Variants in ENOX1 observed in about 807,000 individuals in gnomAD.
ENOX1 encodes candidate growth-related and time keeping constitutive hydroquinone (NADH) oxidase.
Under a neutral mutation model 82.5 loss-of-function variants are expected in ENOX1, and 42 were observed. The observed-to-expected ratio is 0.51, with a 90% CI of 0.40 to 0.66. The LOEUF is 0.66. Among genes scored for constraint, ENOX1 ranks in the 30% least tolerant of loss-of-function variants. The probability of loss-of-function intolerance (pLI) is 0.00; values close to 1 mark genes in which losing one functional copy is unlikely to be tolerated. For synonymous variants in ENOX1, 271 were observed against 282.2 expected (o/e 0.96, Z 0.40); for missense variants, 608 against 811.6 (o/e 0.75, Z 3.05).
chr13:43,759,247 C>A (rs1485147375), intron 1 of ENOX1, among the ~76,000 whole-genome samples: 1 of 151,944 alleles, frequency 6.6e-6, no homozygotes, highest in African/African-American at 2.4e-5. Context: ...CAGGCGCCTG[C>A]CACCACGCCC....
chr13:43,390,831 C>A (rs558754350), intron 5 of ENOX1, among the ~76,000 whole-genome samples: 1 of 152,216 alleles, frequency 6.6e-6, no homozygotes, highest in Non-Finnish European at 1.5e-5. Flanking sequence ...TATTCTCTTT[C>A]ATTTCTTTCT....
chr13:43,414,761 T>C (rs2054343217), intron 3 of ENOX1, among the ~76,000 whole-genome samples: 1 of 152,200 alleles, frequency 6.6e-6, no homozygotes, highest in Non-Finnish European at 1.5e-5. Context: ...GTTTAGTGGC[T>C]AGCCTCCTTC....
At chr13:43,379,122 A>G (rs1335302345) in intron 5 of ENOX1, among the ~76,000 whole-genome samples, 1 of 152,180 alleles carries the variant, frequency 6.6e-6, no homozygotes, top group Non-Finnish European at 1.5e-5. Flanking sequence ...AGCCTCCAGA[A>G]AGAAATGCAG....
intron 1 of ENOX1, among the ~76,000 whole-genome samples, chr13:43,747,012 T>C (rs1331958422): frequency 6.6e-6 from 1 of 152,108 alleles, no homozygotes; most frequent in Non-Finnish European, 1.5e-5. Context: ...CAGCCAAAAG[T>C]GTTTCAGCTA....
chr13:43,229,536 T>C (rs531021889), intron 15 of ENOX1, among the ~76,000 whole-genome samples: 17 of 152,010 alleles, frequency 1.1e-4, no homozygotes, highest in African/African-American at 3.1e-4. Flanking sequence ...GGGAAAGAGT[T>C]TGGATTAGAT....
chr13:43,315,894 A>C (rs1280288386), intron 11 of ENOX1, among the ~76,000 whole-genome samples: 1 of 152,192 alleles, frequency 6.6e-6, no homozygotes, highest in Non-Finnish European at 1.5e-5. Flanking sequence ...AACACATAAT[A>C]AACTGTAATG....
chr13:43,694,770 AC>A (rs2086551020), intron 1 of ENOX1, among the ~76,000 whole-genome samples: 2 of 152,176 alleles, frequency 1.3e-5, no homozygotes, highest in Non-Finnish European at 2.9e-5. Context: ...GACAAGACTC[AC>A]TTCTACCCTT....
chr13:43,220,577 G>A (rs2153450466), intron 16 of ENOX1, among the ~76,000 whole-genome samples: 1 of 152,230 alleles, frequency 6.6e-6, no homozygotes, highest in South Asian at 2.1e-4. Context: ...AGACAGTGCT[G>A]GGTACATGAA....
At chr13:43,348,187 G>A (rs2049523369) in intron 8 of ENOX1, among the ~76,000 whole-genome samples, 1 of 152,180 alleles carries the variant, frequency 6.6e-6, no homozygotes, top group African/African-American at 2.4e-5. Flanking sequence ...CTTTAATAAA[G>A]AAATCTCTTC....
intron 3 of ENOX1, among the ~76,000 whole-genome samples, chr13:43,453,406 T>C (rs542980220): frequency 1.3e-5 from 2 of 152,348 alleles, no homozygotes; most frequent in South Asian, 2.1e-4. Flanking sequence ...CAAAAAGCCA[T>C]ACATTCTAGT....
At chr13:43,393,728 G>A (rs2052950886) in intron 5 of ENOX1, among the ~76,000 whole-genome samples, 1 of 152,214 alleles carries the variant, frequency 6.6e-6, no homozygotes, top group African/African-American at 2.4e-5. Flanking sequence ...CTCTATGAAT[G>A]TAAAGAAATG....
At chr13:43,763,816 T>C (rs1429654213) in intron 1 of ENOX1, among the ~76,000 whole-genome samples, 3 of 152,224 alleles carry the variant, frequency 2.0e-5, no homozygotes, top group East Asian at 1.9e-4. Flanking sequence ...ACTGAAAATG[T>C]TGCTAGCGTA....
intron 1 of ENOX1, among the ~76,000 whole-genome samples, chr13:43,722,266 G>T (rs1214448862): frequency 6.6e-6 from 1 of 152,182 alleles, no homozygotes; most frequent in Non-Finnish European, 1.5e-5. Flanking sequence ...GAAATTAACT[G>T]GAATGATGAG....
At chr13:43,424,422 C>T (rs780031685) in intron 3 of ENOX1, among the ~76,000 whole-genome samples, 4 of 152,170 alleles carry the variant, frequency 2.6e-5, no homozygotes, top group Non-Finnish European at 5.9e-5. Flanking sequence ...TTCCAAAAAG[C>T]CCTGGTTAGA....
chr13:43,317,706 T>TA (rs144082837), intron 11 of ENOX1, among the ~76,000 whole-genome samples: 51,509 of 147,108 alleles, frequency 0.35, 9,546 homozygotes, highest in Middle Eastern at 0.53. Context: ...TTAGTGAAAT[T>TA]AAAAAAAAAA....
chr13:43,260,618 G>C (rs529907887), intron 14 of ENOX1, among the ~76,000 whole-genome samples: 1 of 152,208 alleles, frequency 6.6e-6, no homozygotes, highest in South Asian at 2.1e-4. Context: ...GATCATAGGT[G>C]GCGATCCTGC....
chr13:43,553,912 C>A lies in ENOX1; in HGVS notation c.-218-69760G>T, dbSNP rs539222509. Among the ~76,000 whole-genome samples the A allele has an allele frequency of 4.6e-5, 7 of 152,232 alleles. No homozygotes were observed. The East Asian group carries it at 1.4e-3, about 29-fold the overall frequency. ...ACAGGTGTGTTGTCACCACGCCCAG[C>A]TAATTTTTGTATTTTTAGTAGAGAC... On this transcript the variant is annotated intron_variant, in intron 2 of 16. Transcript: ENST00000690772.
chr13:43,602,700 T>C (rs2081779841), intron 2 of ENOX1, among the ~76,000 whole-genome samples: 2 of 152,016 alleles, frequency 1.3e-5, no homozygotes, highest in Admixed American at 6.6e-5. Flanking sequence ...CAGATTCTCC[T>C]AGGGATAATA....
At chr13:43,477,629 A>G (rs1448973671) in intron 3 of ENOX1, among the ~76,000 whole-genome samples, 1 of 152,134 alleles carries the variant, frequency 6.6e-6, no homozygotes, top group Non-Finnish European at 1.5e-5. Flanking sequence ...GTGGAAGTGA[A>G]TTATCTGAAT....
Sources: gnomAD v4.1 joint callset for allele counts (sites outside exome capture counted in the v4.1 genomes callset) on GRCh38, gnomAD v4.1.1 for gene constraint, MANE v1.5 for transcripts, NCBI Gene and HGNC (gene_info 2026-07-23, HGNC 2026-07-21) for gene names.